The following MITF variants were observed in gnomAD, a reference collection of about 807,000 sequenced individuals.
The protein encoded by MITF is microphthalmia-associated transcription factor.
In MITF, 17 loss-of-function variants were observed where a neutral mutation model predicts 60.5. That is an observed-to-expected ratio of 0.28 (90% CI 0.19 to 0.42). The LOEUF is 0.42. Among genes scored for constraint, MITF ranks in the 10% least tolerant of loss-of-function variants. The probability of loss-of-function intolerance (pLI) is 1.00; values close to 1 mark genes in which losing one functional copy is unlikely to be tolerated. For missense variants in MITF, 622 were observed against 683.5 expected (o/e 0.91, Z 1.00); for synonymous variants, 260 against 248.5 (o/e 1.05, Z -0.43).
At chr3:69,834,589 G>A (rs1013317295) in intron 1 of MITF, among the ~76,000 whole-genome samples, 1 of 152,066 alleles carries the variant, frequency 6.6e-6, no homozygotes, top group Non-Finnish European at 1.5e-5. Flanking sequence ...GGACACTTAG[G>A]TTGATCACAT....
intron 1 of MITF, among the ~76,000 whole-genome samples, chr3:69,802,549 A>C (rs528148052): frequency 1.3e-5 from 2 of 152,210 alleles, no homozygotes; most frequent in East Asian, 3.9e-4. Flanking sequence ...AAGTACAGGG[A>C]AACTGAGGTG....
At chr3:69,914,814 G>A (rs1037934712) in intron 2 of MITF, among the ~76,000 whole-genome samples, 1 of 152,136 alleles carries the variant, frequency 6.6e-6, no homozygotes, top group African/African-American at 2.4e-5. Context: ...ACCTCATTTT[G>A]TCTGACTTTT....
chr3:69,750,031 A>G (rs1295877023), intron 1 of MITF, among the ~76,000 whole-genome samples: 1 of 152,218 alleles, frequency 6.6e-6, no homozygotes, highest in African/African-American at 2.4e-5. Context: ...CAAAATCACT[A>G]AAGTGCATGA....
chr3:69,792,876 C>T (rs1024030992), intron 1 of MITF, among the ~76,000 whole-genome samples: 14 of 151,658 alleles, frequency 9.2e-5, no homozygotes, highest in African/African-American at 3.4e-4. Context: ...TTTAATTACA[C>T]ATACATATTT....
At chr3:69,959,210 A>C in intron 8 of MITF, 63 bp from the exon 9 acceptor site, 1 of 1,588,042 alleles carries the variant, frequency 6.3e-7, no homozygotes. Context: ...AGTGCTTTGA[A>C]TATTGAATTT....
At chr3:69,938,756 G>A (rs1359952471) in intron 3 of MITF, 2 of 1,314,144 alleles carry the variant, frequency 1.5e-6, no homozygotes, top group Non-Finnish European at 1.9e-6. Flanking sequence ...ATGAGATGAT[G>A]AGCTTCATCT....
intron 2 of MITF, among the ~76,000 whole-genome samples, chr3:69,914,282 T>A (rs1317916645): frequency 6.6e-6 from 1 of 152,012 alleles, no homozygotes; most frequent in African/African-American, 2.4e-5. Context: ...CCACCACAAC[T>A]GGCTAATTTT....
chr3:69,828,807 T>C (rs929268603), intron 1 of MITF, among the ~76,000 whole-genome samples: 1 of 152,340 alleles, frequency 6.6e-6, no homozygotes, highest in East Asian at 1.9e-4. Flanking sequence ...ATGAGCATCA[T>C]GAACTTGCTA....
rs1012566287 is a variant in MITF at position 69,966,053 on chromosome 3, G to C, written c.*805G>C. The C allele has an allele frequency of 4.3e-6, 1 of 232,302 alleles. No individual in the cohort carries two copies. Among genetic ancestry groups the C allele is most frequent in the African/African-American group, 2.2e-5 (1 of 45,294 alleles). 14.4% of individuals were successfully genotyped at this position (232,302 alleles called of 1,614,324 possible). A position where few individuals can be genotyped will look rare whatever the true frequency, so the allele number is the denominator to read the frequency against. Reference sequence around the variant, plus strand: ...AGTAAAATATTGAGGAGCACTGAAAGTATGTTTTACTTTTTTTTTATTTTA... The same window carrying C: ...AGTAAAATATTGAGGAGCACTGAAACTATGTTTTACTTTTTTTTTATTTTA... On this transcript the variant is annotated 3_prime_UTR_variant, in exon 10 of 10. Coordinates refer to ENST00000352241, the MANE Select transcript of MITF (RefSeq NM_001354604.2).
At chr3:69,914,514 G>A (rs1334600691) in intron 2 of MITF, among the ~76,000 whole-genome samples, 1 of 152,182 alleles carries the variant, frequency 6.6e-6, no homozygotes, top group Non-Finnish European at 1.5e-5. Context: ...AGATGAACCT[G>A]CCACTTCATC....
At chr3:69,824,120 T>C (rs563650689) in intron 1 of MITF, among the ~76,000 whole-genome samples, 66 of 152,300 alleles carry the variant, frequency 4.3e-4, no homozygotes, top group African/African-American at 1.6e-3. Flanking sequence ...CTGTTTCAGA[T>C]TAAGACCAAC....
intron 1 of MITF, among the ~76,000 whole-genome samples, chr3:69,785,993 G>A (rs1186790435): frequency 6.6e-6 from 1 of 152,196 alleles, no homozygotes; most frequent in Non-Finnish European, 1.5e-5. Context: ...GGGGGAAAAG[G>A]AAGGTTCAGT....
chr3:69,959,459 C>T (rs2107538412), intron 9 of MITF, 39 bp downstream of exon 9: 1 of 1,612,310 alleles, frequency 6.2e-7, no homozygotes, highest in Non-Finnish European at 8.5e-7. Context: ...CTGCTTTTTA[C>T]CGACTTCAAG....
chr3:69,958,743 G>A (rs973887609), intron 8 of MITF, among the ~76,000 whole-genome samples: 3 of 152,146 alleles, frequency 2.0e-5, no homozygotes, highest in Middle Eastern at 3.4e-3. Flanking sequence ...GTAATCAACA[G>A]ACCTAACTTT....
intron 1 of MITF, among the ~76,000 whole-genome samples, chr3:69,839,802 G>A (rs534106195): frequency 5.3e-5 from 8 of 150,868 alleles, no homozygotes; most frequent in South Asian, 2.1e-4. Context: ...AAACGAAAAC[G>A]TTCACATTAG....
intron 2 of MITF, among the ~76,000 whole-genome samples, chr3:69,937,365 GGTGT>G (rs56689910): frequency 0.044 from 6,264 of 142,104 alleles, 198 homozygotes; most frequent in African/African-American, 0.095. Flanking sequence ...TTCTTAAGGA[GGTGT>G]GTGTGTGTGT....
rs565289720 is a variant in MITF, at chr3:69,842,897, C to G, written c.105-36237C>G. Among the ~76,000 whole-genome samples, 3 of 152,182 alleles carry G rather than the reference C, an allele frequency of 2.0e-5. No homozygotes were observed. In the East Asian group the frequency reaches 5.8e-4, roughly 29 times the overall value. Reference sequence around the variant, plus strand: ...TTTTGTTTGTTTGTTTGTTTGTGACCTGGAACAGACACAGAAAGTTATTTT... The same window carrying G: ...TTTTGTTTGTTTGTTTGTTTGTGACGTGGAACAGACACAGAAAGTTATTTT... On this transcript the variant is annotated intron_variant, in intron 1 of 9. Coordinates refer to ENST00000352241, the MANE Select transcript of MITF (RefSeq NM_001354604.2).
chr3:69,785,776 A>G (rs575347846), intron 1 of MITF, among the ~76,000 whole-genome samples: 7 of 152,278 alleles, frequency 4.6e-5, no homozygotes, highest in South Asian at 4.2e-4. Flanking sequence ...GCCTGAGACC[A>G]TGTCCATCTA....
At chr3:69,788,137 T>TC (rs2062681150) in intron 1 of MITF, among the ~76,000 whole-genome samples, 1 of 151,932 alleles carries the variant, frequency 6.6e-6, no homozygotes, top group African/African-American at 2.4e-5. Context: ...TTTTTCTTTT[T>TC]TTTTTTAATT....
Sources: gnomAD v4.1 joint callset for allele counts (sites outside exome capture counted in the v4.1 genomes callset) on GRCh38, gnomAD v4.1.1 for gene constraint, MANE v1.5 for transcripts, NCBI Gene and HGNC (gene_info 2026-07-23, HGNC 2026-07-21) for gene names.